The following TMEM164 variants were observed in gnomAD, a reference collection of about 807,000 sequenced individuals.
TMEM164 encodes transmembrane protein 164, also known as RP13-360B22.2.
In TMEM164, 4 loss-of-function variants were observed where a neutral mutation model predicts 18.8. The ratio of observed to expected loss-of-function variants is 0.21; its 90% CI spans 0.10 to 0.49. The LOEUF (loss-of-function observed/expected upper bound fraction) is 0.49. Ranked by LOEUF, TMEM164 falls within the 20% of genes least tolerant of loss-of-function variation. The pLI is 0.98. For synonymous variants in TMEM164, 86 were observed against 101.7 expected, an observed-to-expected ratio of 0.85 and a Z score of 0.93; for missense variants, 108 against 239.9, an observed-to-expected ratio of 0.45 and a Z score of 3.63.
intron 2 of TMEM164, among the ~76,000 whole-genome samples, chrX:110,026,339 G>A (rs189915829): frequency 3.6e-4 from 40 of 111,889 alleles, no homozygotes; most frequent in Admixed American, 3.2e-3. Context: ...AGAAAAGGGC[G>A]TGTTCCTCTA....
intron 4 of TMEM164, among the ~76,000 whole-genome samples, chrX:110,142,771 C>T (rs1217369044): frequency 8.8e-6 from 1 of 113,416 alleles, no homozygotes; most frequent in African/African-American, 3.2e-5. Context: ...AGCTACCGAG[C>T]AGCAGAGTCA....
chrX:110,176,186 C>T lies in TMEM164; in HGVS notation c.*2735C>T. On this transcript the variant is annotated 3_prime_UTR_variant, in exon 7 of 7. Transcript: ENST00000372068. The stretch of plus-strand genomic sequence containing the variant: ...CCTTAGGAAGGGAAAAGAGTACTCC[C>T]TCCAGCCCCTAGGTAGCCTTGGCCA... 1 of 756,696 alleles carries T rather than the reference C, an allele frequency of 1.3e-6. No homozygotes were observed. The highest frequency in any genetic ancestry group is 1.6e-6 in the Non-Finnish European group (1 of 639,644). 62.4% of individuals were successfully genotyped at this position (756,696 alleles called of 1,213,427 possible).
At chrX:110,077,573 G>A (rs758578860) in intron 3 of TMEM164, among the ~76,000 whole-genome samples, 1 of 112,034 alleles carries the variant, frequency 8.9e-6, no homozygotes, top group African/African-American at 3.2e-5. Context: ...ACTAAAATGT[G>A]TTTTTGTGGT....
chrX:110,112,660 TC>T (rs1367204268), intron 4 of TMEM164, among the ~76,000 whole-genome samples: 2 of 112,216 alleles, frequency 1.8e-5, no homozygotes, highest in Non-Finnish European at 3.8e-5. Context: ...GTACTGTTAT[TC>T]CCAAGATCAC....
intron 2 of TMEM164, among the ~76,000 whole-genome samples, chrX:110,057,248 T>A (rs1438519467): frequency 8.9e-6 from 1 of 111,911 alleles, no homozygotes; most frequent in Non-Finnish European, 1.9e-5. Flanking sequence ...TAATTTACAT[T>A]TCATATTTAT....
chrX:110,018,798 A>G (rs190744748), intron 2 of TMEM164, among the ~76,000 whole-genome samples: 6 of 112,429 alleles, frequency 5.3e-5, no homozygotes, highest in Non-Finnish European at 1.1e-4. Flanking sequence ...CATCTGTAAG[A>G]CAGAGATGAT....
intron 2 of TMEM164, among the ~76,000 whole-genome samples, chrX:110,061,168 A>T (rs955104273): frequency 1.8e-5 from 2 of 112,610 alleles, no homozygotes; most frequent in East Asian, 5.5e-4. Flanking sequence ...TGAATTTTCT[A>T]TTGAAATCAG....
intron 4 of TMEM164, among the ~76,000 whole-genome samples, chrX:110,138,592 C>T (rs1400020877): frequency 9.0e-6 from 1 of 111,552 alleles, no homozygotes; most frequent in Non-Finnish European, 1.9e-5. Flanking sequence ...TGAGAAGGAA[C>T]GCCATTGAGG....
intron 6 of TMEM164, 27 bp downstream of exon 6, chrX:110,171,547 C>G (rs1437933813): frequency 9.1e-7 from 1 of 1,100,102 alleles, no homozygotes; most frequent in Non-Finnish European, 1.3e-6. Flanking sequence ...CCCCTTCTAT[C>G]CCCTCTGTTT....
At chrX:110,035,314 CCTT>C (rs956184660) in intron 2 of TMEM164, among the ~76,000 whole-genome samples, 14 of 109,998 alleles carry the variant, frequency 1.3e-4, no homozygotes, top group Admixed American at 6.7e-4. Context: ...TGCTTATTCT[CCTT>C]CTTCTCTTCA....
intron 3 of TMEM164, among the ~76,000 whole-genome samples, chrX:110,078,322 C>G (rs1219742685): frequency 9.0e-6 from 1 of 111,442 alleles, no homozygotes; most frequent in Non-Finnish European, 1.9e-5. Flanking sequence ...CTGTTTGGCT[C>G]TTTCTTAAAA....
At chrX:110,044,251 TA>T (rs1419454895) in intron 2 of TMEM164, among the ~76,000 whole-genome samples, 1 of 113,022 alleles carries the variant, frequency 8.8e-6, no homozygotes, top group East Asian at 2.8e-4. Flanking sequence ...TTTAGGGCTT[TA>T]CAGCCCTGGT....
intron 2 of TMEM164, among the ~76,000 whole-genome samples, chrX:110,018,000 C>G (rs966032624): frequency 2.7e-5 from 3 of 112,299 alleles, no homozygotes; most frequent in African/African-American, 9.7e-5. Context: ...CCTGGACAGA[C>G]AGTTCACAGG....
chrX:110,148,298 T>G (rs2066886730), intron 5 of TMEM164, among the ~76,000 whole-genome samples: 1 of 110,501 alleles, frequency 9.0e-6, no homozygotes, highest in Non-Finnish European at 1.9e-5. Context: ...ATTGAGGTTT[T>G]GGGATGGAAA....
chrX:110,106,592 T>C (rs930382094), intron 3 of TMEM164, among the ~76,000 whole-genome samples: 3 of 111,409 alleles, frequency 2.7e-5, no homozygotes, highest in Non-Finnish European at 5.7e-5. Flanking sequence ...CAGGCTGGTC[T>C]TGGACTCCTG....
At position 110,072,296 on chromosome X, in the gene TMEM164, C is replaced by CAA. The variant is rs56056315; in HGVS notation, c.440+4920_440+4921dup. On this transcript the variant is annotated intron_variant, in intron 3 of 6. Coordinates refer to ENST00000372068, the MANE Select transcript of TMEM164 (RefSeq NM_032227.4). ...AGCCTGGGCGACAGAGACTCCATCT[C>CAA]AAAAAAAAAAAAAAAAAAAAAGAAA... Among the ~76,000 whole-genome samples, 67 of 46,209 alleles carry CAA rather than the reference C, an allele frequency of 1.4e-3. 1 individual carries two copies. The highest frequency in any genetic ancestry group is 4.5e-3 in the African/African-American group (53 of 11,688). 40.1% of individuals were successfully genotyped at this position (46,209 alleles called of 115,157 possible).
chrX:110,008,188 T>A (rs904327713), intron 2 of TMEM164, among the ~76,000 whole-genome samples: 1 of 112,600 alleles, frequency 8.9e-6, no homozygotes, highest in African/African-American at 3.2e-5. Context: ...AAGTGTAGAA[T>A]GACACACACT....
At chrX:110,051,593 AAAAGAAAG>A (rs367718317) in intron 2 of TMEM164, among the ~76,000 whole-genome samples, 34 of 102,960 alleles carry the variant, frequency 3.3e-4, no homozygotes, top group African/African-American at 8.7e-4. Flanking sequence ...CAAAAAAAAA[AAAAGAAAG>A]AAAGAAAGAA....
chrX:110,085,161 T>TC (rs1465336744), intron 3 of TMEM164, among the ~76,000 whole-genome samples: 1 of 107,610 alleles, frequency 9.3e-6, no homozygotes, highest in East Asian at 2.9e-4. Context: ...TATGAACTTT[T>TC]TTTTTTTTTT....
Sources: allele counts gnomAD v4.1 joint callset (sites outside exome capture counted in the v4.1 genomes callset), GRCh38; gene constraint gnomAD v4.1.1; transcripts MANE v1.5; gene names NCBI Gene and HGNC (gene_info 2026-07-23, HGNC 2026-07-21).